The following SP140L variants were observed in gnomAD, a reference collection of about 807,000 sequenced individuals.
The protein encoded by SP140L is SP140 like nuclear body protein.
In SP140L, 64 loss-of-function variants were observed where a neutral mutation model predicts 84.3. The ratio of observed to expected loss-of-function variants is 0.76; its 90% CI spans 0.62 to 0.94. The LOEUF (loss-of-function observed/expected upper bound fraction) is 0.94, where lower values mean the gene tolerates loss of function less well. Ranked by LOEUF, SP140L falls within the 40% of genes least tolerant of loss-of-function variation. The pLI is 0.00. For synonymous variants in SP140L, 242 were observed against 236.9 expected (o/e 1.02, Z -0.20); for missense variants, 628 against 692.5 (o/e 0.91, Z 1.05).
Position 230,393,445 on chromosome 2 carries a change from A to G in SP140L, c.1139A>G (p.Tyr380Cys), listed in dbSNP as rs1418986785. The G allele has an allele frequency of 6.3e-7, 1 of 1,580,508 alleles. No homozygotes were observed. The highest frequency in any genetic ancestry group is 8.6e-7 in the Non-Finnish European group (1 of 1,165,512). Residue 380 changes from tyrosine to cysteine, a missense_variant, in exon 13 of 19, where the codon TAT (tyrosine) becomes TGT (cysteine). This residue lies in a region of SP140L where 525 missense variants were observed against 518.4 expected (regional missense o/e 1.01). Coordinates refer to ENST00000415673, the MANE Select transcript of SP140L (RefSeq NM_138402.6). ...EGSLPNPPRI[Y>C]YRNKKRILKS... ...TCTCTACCTAATCCTCCAAGAATAT[A>G]TTACAGGAACAAAAAGGTGATTATT...
intron 2 of SP140L, among the ~76,000 whole-genome samples, chr2:230,345,704 A>C (rs1016601512): frequency 6.6e-6 from 1 of 151,424 alleles, no homozygotes; most frequent in African/African-American, 2.4e-5. Context: ...AAAATATCTT[A>C]TAGCTATATC....
At chr2:230,332,218 T>G (rs567407034) in intron 2 of SP140L, among the ~76,000 whole-genome samples, 1 of 152,350 alleles carries the variant, frequency 6.6e-6, no homozygotes, top group Admixed American at 6.5e-5. Context: ...TCATTTTACT[T>G]TTATTAATTT....
rs1317872892 is a variant in SP140L, at chr2:230,358,950, C to T, written c.271-14C>T. ...AGTCTGTATTTGTATTTTCTCCATT[C>T]AATATTTTTAAAGGATTCTGAAGAT... On this transcript the variant is annotated splice_polypyrimidine_tract_variant and intron_variant, in intron 3 of 18. Coordinates refer to ENST00000415673, the MANE Select transcript of SP140L (RefSeq NM_138402.6). 6.4e-7 allele frequency: 1 copy of T among 1,554,656 alleles called. No homozygotes were observed. The highest frequency in any genetic ancestry group is 2.3e-5 in the East Asian group (1 of 43,652).
At chr2:230,354,897 G>GAAAGAAAA (rs6147221) in intron 2 of SP140L, among the ~76,000 whole-genome samples, 1 of 114,318 alleles carries the variant, frequency 8.7e-6, no homozygotes, top group Non-Finnish European at 1.8e-5. Context: ...AAGAAAGAAA[G>GAAAGAAAA]GAAAGAGAAA....
At chr2:230,379,154 T>A (rs768750700) in intron 7 of SP140L, among the ~76,000 whole-genome samples, 1 of 152,206 alleles carries the variant, frequency 6.6e-6, no homozygotes, top group Non-Finnish European at 1.5e-5. Context: ...GTAACAGCAC[T>A]TAGCTTTTGC....
intron 2 of SP140L, among the ~76,000 whole-genome samples, chr2:230,356,598 G>C (rs1037319448): frequency 2.0e-4 from 31 of 152,206 alleles, no homozygotes; most frequent in African/African-American, 7.2e-4. Flanking sequence ...CATGTGTTCA[G>C]TATGCAGGTT....
intron 2 of SP140L, among the ~76,000 whole-genome samples, chr2:230,348,010 T>C (rs2060260358): frequency 6.6e-6 from 1 of 152,226 alleles, no homozygotes; most frequent in South Asian, 2.1e-4. Flanking sequence ...ATTTCCTCTT[T>C]GTTTCCCATG....
intron 2 of SP140L, among the ~76,000 whole-genome samples, chr2:230,348,781 T>A (rs889038785): frequency 6.6e-6 from 1 of 152,244 alleles, no homozygotes; most frequent in African/African-American, 2.4e-5. Context: ...TAGCTAACTC[T>A]TCATTTAACC....
intron 2 of SP140L, among the ~76,000 whole-genome samples, chr2:230,337,341 G>A (rs1010212379): frequency 2.6e-5 from 4 of 152,128 alleles, no homozygotes; most frequent in African/African-American, 4.8e-5. Context: ...TGATCGGGTT[G>A]TTTGTTTCTT....
At chr2:230,381,414 C>T (rs1312217901) in intron 7 of SP140L, among the ~76,000 whole-genome samples, 1 of 152,176 alleles carries the variant, frequency 6.6e-6, no homozygotes, top group African/African-American at 2.4e-5. Context: ...ACCGTGAGTA[C>T]AGAAATGCCA....
chr2:230,339,185 G>T (rs1271020289), intron 2 of SP140L, among the ~76,000 whole-genome samples: 2 of 151,786 alleles, frequency 1.3e-5, no homozygotes, highest in African/African-American at 2.4e-5. Flanking sequence ...CCTGTTATTG[G>T]CCTATTCAGA....
intron 2 of SP140L, chr2:230,342,072 C>G (rs376464106): frequency 1.8e-5 from 3 of 164,768 alleles, no homozygotes; most frequent in African/African-American, 7.2e-5. Context: ...TGGGCAATGG[C>G]GGGCGCCCCT....
intron 4 of SP140L, 39 bp downstream of exon 4, chr2:230,359,171 C>G (rs1248459975): frequency 1.9e-6 from 3 of 1,562,098 alleles, no homozygotes; most frequent in Non-Finnish European, 2.6e-6. Flanking sequence ...TTTCCGGGGC[C>G]AATTTTTTTC....
At chr2:230,392,327 A>G (rs905663743) in intron 12 of SP140L, 98 bp downstream of exon 12, 5 of 1,555,878 alleles carry the variant, frequency 3.2e-6, no homozygotes, top group African/African-American at 2.7e-5. Context: ...GGTTATAGCT[A>G]AAGCCTTGAT....
At chr2:230,331,316 A>T (rs778763784) in intron 2 of SP140L, among the ~76,000 whole-genome samples, 1 of 152,166 alleles carries the variant, frequency 6.6e-6, no homozygotes, top group South Asian at 2.1e-4. Flanking sequence ...ATGGGGGAAA[A>T]CATAGTATAT....
chr2:230,360,621 G>A (rs1275672506), intron 4 of SP140L, among the ~76,000 whole-genome samples: 1 of 152,158 alleles, frequency 6.6e-6, no homozygotes, highest in Non-Finnish European at 1.5e-5. Context: ...ACATTCTCAG[G>A]GGCTCTGTTC....
At chr2:230,390,670 T>G (rs1376490030) in intron 11 of SP140L, among the ~76,000 whole-genome samples, 2 of 152,166 alleles carry the variant, frequency 1.3e-5, no homozygotes, top group Non-Finnish European at 2.9e-5. Context: ...CTTGGCTCTT[T>G]GAGCACCAAT....
intron 13 of SP140L, among the ~76,000 whole-genome samples, chr2:230,396,213 G>GAAT: frequency 6.6e-6 from 1 of 152,194 alleles, no homozygotes; most frequent in Non-Finnish European, 1.5e-5. Context: ...TGCAGGGAAT[G>GAAT]GGACTTGCAT....
intron 2 of SP140L, among the ~76,000 whole-genome samples, chr2:230,340,811 A>T (rs2060017479): frequency 7.2e-6 from 1 of 138,438 alleles, no homozygotes; most frequent in East Asian, 2.1e-4. Context: ...AGAATGTTGA[A>T]TATTGGCCCC....
Sources: gnomAD v4.1 joint callset for allele counts (sites outside exome capture counted in the v4.1 genomes callset) on GRCh38, gnomAD v4.1.1 for gene constraint, gnomAD v4.1.1 regional missense constraint, MANE v1.5 for transcripts, NCBI Gene and HGNC (gene_info 2026-07-23, HGNC 2026-07-21) for gene names.